The following CNTNAP2 variants were observed in gnomAD, a reference collection of about 807,000 sequenced individuals.
CNTNAP2 encodes the protein contactin associated protein 2.
CNTNAP2 carries 98 observed loss-of-function variants against 155.2 expected under a neutral mutation model. The ratio of observed to expected loss-of-function variants is 0.63; its 90% CI spans 0.54 to 0.75. The LOEUF (loss-of-function observed/expected upper bound fraction) is 0.75. CNTNAP2 is among the 30% of genes least tolerant of loss of function. The probability of loss-of-function intolerance (pLI) is 0.00; values close to 1 mark genes in which losing one functional copy is unlikely to be tolerated. For synonymous variants in CNTNAP2, 651 were observed against 631.2 expected, an observed-to-expected ratio of 1.03 and a Z score of -0.47; for missense variants, 1,727 against 1,688.1, an observed-to-expected ratio of 1.02 and a Z score of -0.40.
chr7:146,185,761 C>CCTTTTTTTTTT (rs1554400925), intron 1 of CNTNAP2, among the ~76,000 whole-genome samples: 1 of 94,888 alleles, frequency 1.1e-5, no homozygotes, highest in African/African-American at 4.0e-5. Context: ...TTTTATTATT[C>CCTTTTTTTTTT]TTTTTTTTTT....
rs551129827 is a variant in CNTNAP2 at position 147,708,700 on chromosome 7, C to A, written c.2098+69394C>A. Among the ~76,000 whole-genome samples, 85 of 152,272 alleles carry A rather than the reference C, an allele frequency of 5.6e-4. 2 individuals carry two copies. The South Asian group carries it at 0.017, about 31-fold the overall frequency. On this transcript the variant is annotated intron_variant, in intron 13 of 23. Transcript: ENST00000361727. ...CCCTTTTCCTCCACTGGGGAGCCAG[C>A]CTCTCCAGGTTCTCAGCCAATGCTA...
intron 11 of CNTNAP2, among the ~76,000 whole-genome samples, chr7:147,545,384 C>G (rs1211647940): frequency 1.3e-5 from 2 of 151,988 alleles, no homozygotes; most frequent in Non-Finnish European, 2.9e-5. Flanking sequence ...AGTATGATAC[C>G]ATTTTAGAAA....
chr7:146,972,451 G>A (rs117700818), intron 3 of CNTNAP2, among the ~76,000 whole-genome samples: 78 of 152,168 alleles, frequency 5.1e-4, no homozygotes, highest in Admixed American at 1.3e-3. Context: ...TTTCAAGTAT[G>A]TTATATGTAC....
At chr7:147,203,885 G>C (rs1410318870) in intron 8 of CNTNAP2, among the ~76,000 whole-genome samples, 2 of 152,002 alleles carry the variant, frequency 1.3e-5, no homozygotes, top group South Asian at 2.1e-4. Flanking sequence ...GATTATAATA[G>C]CAAAATGTAA....
At chr7:146,618,198 C>G (rs1585009191) in intron 1 of CNTNAP2, among the ~76,000 whole-genome samples, 1 of 152,136 alleles carries the variant, frequency 6.6e-6, no homozygotes, top group Admixed American at 6.5e-5. Flanking sequence ...GGCGAATCAC[C>G]TTTTTCATAA....
intron 15 of CNTNAP2, among the ~76,000 whole-genome samples, chr7:148,043,138 C>T (rs937663171): frequency 6.6e-6 from 1 of 152,188 alleles, no homozygotes; most frequent in African/African-American, 2.4e-5. Flanking sequence ...GATACATTGC[C>T]ACCTCCCAGT....
intron 1 of CNTNAP2, among the ~76,000 whole-genome samples, chr7:146,258,960 G>A (rs957602700): frequency 2.6e-5 from 4 of 152,100 alleles, no homozygotes. Flanking sequence ...TTGTAATCGC[G>A]AAGTGTTGAG....
At chr7:147,099,879 G>A (rs930528236) in intron 4 of CNTNAP2, among the ~76,000 whole-genome samples, 6 of 152,178 alleles carry the variant, frequency 3.9e-5, no homozygotes, top group Middle Eastern at 3.2e-3. Context: ...AGTAAACAGC[G>A]AAGGCGAGAA....
intron 21 of CNTNAP2, among the ~76,000 whole-genome samples, chr7:148,299,529 A>G (rs1306365648): frequency 2.0e-5 from 3 of 152,204 alleles, no homozygotes; most frequent in South Asian, 2.1e-4. Context: ...GGTTGTTTCC[A>G]AGGGCACACA....
chr7:147,443,686 T>G (rs1797682091), intron 10 of CNTNAP2, among the ~76,000 whole-genome samples: 1 of 152,194 alleles, frequency 6.6e-6, no homozygotes, highest in Non-Finnish European at 1.5e-5. Flanking sequence ...ATGGCAACAT[T>G]TTAAGCATTA....
At chr7:146,655,926 C>T (rs924356051) in intron 1 of CNTNAP2, among the ~76,000 whole-genome samples, 2 of 152,070 alleles carry the variant, frequency 1.3e-5, no homozygotes, top group Non-Finnish European at 2.9e-5. Flanking sequence ...GAGCATCTCT[C>T]TAGAAATAGG....
intron 10 of CNTNAP2, among the ~76,000 whole-genome samples, chr7:147,409,988 A>G (rs994309482): frequency 1.3e-5 from 2 of 152,258 alleles, no homozygotes; most frequent in African/African-American, 2.4e-5. Flanking sequence ...TGTGGAATAC[A>G]ATGTGGTAAT....
chr7:146,832,649 T>C (rs897028105), intron 2 of CNTNAP2, among the ~76,000 whole-genome samples: 4 of 148,862 alleles, frequency 2.7e-5, no homozygotes, highest in African/African-American at 9.8e-5. Context: ...ATATATACAC[T>C]GTATAATTTA....
intron 1 of CNTNAP2, among the ~76,000 whole-genome samples, chr7:146,580,126 A>T (rs1300331911): frequency 6.6e-6 from 1 of 152,138 alleles, no homozygotes; most frequent in Non-Finnish European, 1.5e-5. Context: ...CTAAATAATC[A>T]TATATAGCTT....
intron 9 of CNTNAP2, among the ~76,000 whole-genome samples, chr7:147,319,017 G>A (rs1267155407): frequency 6.6e-6 from 1 of 152,074 alleles, no homozygotes; most frequent in African/African-American, 2.4e-5. Context: ...GTGGATAAAA[G>A]TAATCTTCTG....
chr7:146,394,858 A>G (rs1246786867), intron 1 of CNTNAP2, among the ~76,000 whole-genome samples: 4 of 152,096 alleles, frequency 2.6e-5, no homozygotes, highest in East Asian at 3.9e-4. Flanking sequence ...AACAGCGTAC[A>G]TTGTACCCAC....
chr7:147,696,124 C>T (rs899639777), intron 13 of CNTNAP2, among the ~76,000 whole-genome samples: 1 of 152,086 alleles, frequency 6.6e-6, no homozygotes, highest in Non-Finnish European at 1.5e-5. Flanking sequence ...GTTTTTTATT[C>T]AGTCTGACAA....
intron 1 of CNTNAP2, among the ~76,000 whole-genome samples, chr7:146,405,461 T>C (rs2129109548): frequency 6.6e-6 from 1 of 152,350 alleles, no homozygotes; most frequent in South Asian, 2.1e-4. Flanking sequence ...AGATATAGCC[T>C]GTCATCACAC....
chr7:147,582,626 A>G (rs1020527342), intron 12 of CNTNAP2, among the ~76,000 whole-genome samples: 1 of 152,170 alleles, frequency 6.6e-6, no homozygotes, highest in Non-Finnish European at 1.5e-5. Flanking sequence ...CTTTATGCCA[A>G]TAGTGATTTA....
Sources: allele counts gnomAD v4.1 joint callset (sites outside exome capture counted in the v4.1 genomes callset), GRCh38; gene constraint gnomAD v4.1.1; transcripts MANE v1.5; gene names NCBI Gene and HGNC (gene_info 2026-07-23, HGNC 2026-07-21).